Variants in EPHA6 observed in about 807,000 individuals in gnomAD.
The protein encoded by EPHA6 is ephrin type-A receptor 6.
Under a neutral mutation model 112.0 loss-of-function variants are expected in EPHA6, and 50 were observed. That is an observed-to-expected ratio of 0.45 (90% CI 0.36 to 0.56). EPHA6 has a LOEUF of 0.56. Ranked by LOEUF, EPHA6 falls within the 20% of genes least tolerant of loss-of-function variation. The probability of loss-of-function intolerance (pLI) is 0.00; values close to 1 mark genes in which losing one functional copy is unlikely to be tolerated. For synonymous variants in EPHA6, 529 were observed against 490.7 expected (o/e 1.08, Z -1.03); for missense variants, 1,280 against 1,417.4 (o/e 0.90, Z 1.56).
At chr3:97,618,133 C>A (rs1053507069) in intron 13 of EPHA6, among the ~76,000 whole-genome samples, 2 of 152,110 alleles carry the variant, frequency 1.3e-5, no homozygotes, top group African/African-American at 4.8e-5. Context: ...ACACTCAAAA[C>A]CACACAATTA....
intron 5 of EPHA6, among the ~76,000 whole-genome samples, chr3:97,400,319 TTTCTATGACAGAACCATGC>T (rs1462454809): frequency 6.6e-6 from 1 of 151,802 alleles, no homozygotes; most frequent in East Asian, 1.9e-4. Flanking sequence ...TTGAAATGTG[TTTCTATGACAGAACCATGC>T]TGCTTTGGTT....
chr3:96,939,418 T>A (rs1355973520), intron 2 of EPHA6, among the ~76,000 whole-genome samples: 2 of 152,248 alleles, frequency 1.3e-5, no homozygotes, highest in African/African-American at 2.4e-5. Flanking sequence ...TATTCTCTGA[T>A]GGTAGTTTGT....
At chr3:97,268,681 AT>A (rs1456289257) in intron 5 of EPHA6, among the ~76,000 whole-genome samples, 1 of 152,136 alleles carries the variant, frequency 6.6e-6, no homozygotes, top group East Asian at 1.9e-4. Context: ...TAGAAAAATG[AT>A]GTTGGTGATA....
intron 5 of EPHA6, among the ~76,000 whole-genome samples, chr3:97,388,717 T>G (rs1577201306): frequency 2.6e-5 from 4 of 152,284 alleles, no homozygotes; most frequent in Admixed American, 2.6e-4. Flanking sequence ...ATTCTCTGCT[T>G]TCAGGCAGAT....
rs1028712479 is a variant in EPHA6 at position 97,754,724 on chromosome 3, G to C, written c.*6023G>C. On this transcript the variant is annotated 3_prime_UTR_variant, in exon 18 of 18. Transcript: ENST00000389672. Reference sequence around the variant, plus strand: ...TATTTATTTATTCATTTATTTTTGAGACGGAGTCTCGCTCTGTCGCCTAGG... The same window carrying C: ...TATTTATTTATTCATTTATTTTTGACACGGAGTCTCGCTCTGTCGCCTAGG... Among the ~76,000 whole-genome samples, 4 of 152,062 alleles carry C rather than the reference G, an allele frequency of 2.6e-5. No individual in the cohort carries two copies. The highest frequency in any genetic ancestry group is 9.7e-5 in the African/African-American group (4 of 41,428).
intron 5 of EPHA6, among the ~76,000 whole-genome samples, chr3:97,349,682 G>C (rs1370013438): frequency 6.6e-6 from 1 of 151,906 alleles, no homozygotes; most frequent in Admixed American, 6.6e-5. Flanking sequence ...ATCCAATTTT[G>C]TTCAGCAGCA....
chr3:97,109,367 G>C (rs982322816), intron 3 of EPHA6, among the ~76,000 whole-genome samples: 8 of 152,126 alleles, frequency 5.3e-5, no homozygotes, highest in Admixed American at 4.6e-4. Flanking sequence ...ATAAGTTAGT[G>C]TTGTTATGAA....
At chr3:97,634,500 G>A (rs1005822968) in intron 13 of EPHA6, among the ~76,000 whole-genome samples, 11 of 152,016 alleles carry the variant, frequency 7.2e-5, no homozygotes, top group African/African-American at 2.2e-4. Flanking sequence ...GGGAAAGATT[G>A]TAAAAAGATG....
intron 10 of EPHA6, among the ~76,000 whole-genome samples, chr3:97,485,848 C>CT (rs2091686357): frequency 6.6e-6 from 1 of 152,146 alleles, no homozygotes. Context: ...ACTGATATGT[C>CT]TTTTTATACT....
intron 3 of EPHA6, among the ~76,000 whole-genome samples, chr3:97,123,117 TG>T (rs2048088415): frequency 6.6e-6 from 1 of 152,020 alleles, no homozygotes; most frequent in Non-Finnish European, 1.5e-5. Flanking sequence ...CAAAGGTAAA[TG>T]AAAATCACAA....
intron 6 of EPHA6, among the ~76,000 whole-genome samples, chr3:97,437,083 T>C (rs1372654067): frequency 6.6e-6 from 1 of 151,900 alleles, no homozygotes; most frequent in African/African-American, 2.4e-5. Flanking sequence ...TCAGCTATCA[T>C]TAGTGTTGGT....
intron 2 of EPHA6, among the ~76,000 whole-genome samples, chr3:96,923,577 T>A (rs2039884099): frequency 6.6e-6 from 1 of 152,182 alleles, no homozygotes. Flanking sequence ...TATCCTATCT[T>A]GTAGGTTGTG....
At chr3:97,184,830 G>A (rs1253710613) in intron 3 of EPHA6, among the ~76,000 whole-genome samples, 1 of 152,178 alleles carries the variant, frequency 6.6e-6, no homozygotes, top group Non-Finnish European at 1.5e-5. Flanking sequence ...CAAGGCTACA[G>A]TAACCAAAAT....
chr3:97,217,672 T>C (rs1308302217), intron 3 of EPHA6, among the ~76,000 whole-genome samples: 3 of 152,124 alleles, frequency 2.0e-5, no homozygotes, highest in Non-Finnish European at 4.4e-5. Flanking sequence ...TATCACAATA[T>C]CCAATCATAT....
chr3:97,396,020 G>A (rs922138610), intron 5 of EPHA6, among the ~76,000 whole-genome samples: 2 of 151,628 alleles, frequency 1.3e-5, no homozygotes, highest in Admixed American at 6.6e-5. Context: ...AAAAGGAATC[G>A]ATAGCCTTGT....
chr3:97,722,827 T>A lies in EPHA6; in HGVS notation c.2934+2417T>A, dbSNP rs1432759389. The stretch of plus-strand genomic sequence containing the variant: ...ATTAGACATTCATAAATAATCATTC[T>A]TATAATAGGAGGATACAAATAAATA... On this transcript the variant is annotated intron_variant, in intron 15 of 17. Coordinates refer to ENST00000389672, the MANE Select transcript of EPHA6 (RefSeq NM_001080448.3). Among the ~76,000 whole-genome samples the A allele has an allele frequency of 2.0e-5, 3 of 152,118 alleles. No homozygotes were observed. The East Asian group carries it at 5.8e-4, about 29-fold the overall frequency.
chr3:97,393,622 C>A (rs946709769), intron 5 of EPHA6, among the ~76,000 whole-genome samples: 2 of 151,704 alleles, frequency 1.3e-5, no homozygotes, highest in East Asian at 1.9e-4. Flanking sequence ...TTTCACAATT[C>A]TTTCACTAAT....
At chr3:97,053,968 G>T (rs544844891) in intron 3 of EPHA6, among the ~76,000 whole-genome samples, 19 of 151,966 alleles carry the variant, frequency 1.3e-4, no homozygotes, top group Non-Finnish European at 2.6e-4. Flanking sequence ...ATGGCATTGG[G>T]TGGGTCTGTA....
chr3:97,065,817 T>A (rs142726447), intron 3 of EPHA6, among the ~76,000 whole-genome samples: 1 of 152,074 alleles, frequency 6.6e-6, no homozygotes, highest in Non-Finnish European at 1.5e-5. Context: ...TATGATACTA[T>A]TTATTTTTAG....
Sources: gnomAD v4.1 joint callset for allele counts (sites outside exome capture counted in the v4.1 genomes callset) on GRCh38, gnomAD v4.1.1 for gene constraint, MANE v1.5 for transcripts, NCBI Gene and HGNC (gene_info 2026-07-23, HGNC 2026-07-21) for gene names.